NLRP2: variants seen among roughly 807,000 people sequenced by gnomAD.
NLRP2 encodes the protein NACHT, LRR and PYD domains-containing protein 2.
A neutral mutation model predicts 97.2 loss-of-function variants in NLRP2; 107 were observed. The ratio of observed to expected loss-of-function variants is 1.10; its 90% CI spans 0.94 to 1.29. The LOEUF (loss-of-function observed/expected upper bound fraction) is 1.29. Among genes scored for constraint, NLRP2 ranks in the 50% most tolerant of loss-of-function variants. The pLI, the probability that NLRP2 is intolerant of heterozygous loss-of-function variation, is 0.00. For missense variants in NLRP2, 1,495 were observed against 1,330.3 expected (o/e 1.12, Z -1.93); for synonymous variants, 663 against 551.5 (o/e 1.20, Z -2.83).
At chr19:54,997,193 C>A in intron 11 of NLRP2, 124 bp from the exon 12 acceptor site, 1 of 991,156 alleles carries the variant, frequency 1.0e-6, no homozygotes, top group Non-Finnish European at 1.6e-6. Flanking sequence ...GCGTGAACCA[C>A]CGTGCCCGGC....
intron 10 of NLRP2, among the ~76,000 whole-genome samples, chr19:54,992,549 GGGT>G (rs1423066189): frequency 2.6e-3 from 212 of 80,524 alleles, no homozygotes; most frequent in Admixed American, 0.017. Context: ...GGGGGGGGGG[GGGT>G]TTTCTTTTTT....
intron 11 of NLRP2, among the ~76,000 whole-genome samples, chr19:54,995,646 C>T (rs898560657): frequency 2.0e-5 from 3 of 152,014 alleles, no homozygotes; most frequent in Non-Finnish European, 4.4e-5. Context: ...GCTCTATCAG[C>T]AGGTGAGTGG....
In NLRP2 at chr19:54,995,187, C is replaced by CTTTT. The variant is rs34168825; in HGVS notation, c.2879+767_2879+770dup. Among the ~76,000 whole-genome samples the CTTTT allele has an allele frequency of 3.6e-4, 31 of 87,220 alleles. 1 individual carries two copies. The highest frequency in any genetic ancestry group is 7.6e-4 in the African/African-American group (17 of 22,468). The allele number at this position is 87,220 out of a possible 152,430, so 57.2% of individuals were successfully genotyped here. ...TAGCCGAGCATAGTAGTGGGTGCCT[C>CTTTT]TTTTTTTTTTTTTTTTTTTTTTGAG... On this transcript the variant is annotated intron_variant, in intron 11 of 12. Coordinates refer to ENST00000448584, the MANE Select transcript of NLRP2 (RefSeq NM_017852.5).
chr19:54,975,556 A>G (rs2071174473), intron 3 of NLRP2, among the ~76,000 whole-genome samples: 1 of 144,212 alleles, frequency 6.9e-6, no homozygotes. Flanking sequence ...GGTTCATGCC[A>G]TTCTCCTGCC....
At chr19:54,966,491 G>C (rs1293533361) in intron 1 of NLRP2, 24 bp downstream of exon 1, 1 of 152,116 alleles carries the variant, frequency 6.6e-6, no homozygotes, top group Admixed American at 6.6e-5. Context: ...CGGCAGCTCT[G>C]CAACTTCATT....
At position 54,977,737 on chromosome 19, in the gene NLRP2, G is replaced by GGAAATAT; in HGVS notation, c.326-15_326-14insGAAATAT. 2 of 1,613,432 alleles carry GGAAATAT rather than the reference G, an allele frequency of 1.2e-6. No homozygotes were observed. Among genetic ancestry groups the GGAAATAT allele is most frequent in the Non-Finnish European group, 1.7e-6 (2 of 1,179,874 alleles). On this transcript the variant is annotated splice_polypyrimidine_tract_variant and intron_variant, in intron 3 of 12. Coordinates refer to ENST00000448584, the MANE Select transcript of NLRP2 (RefSeq NM_017852.5). ...AGCACAGCAACAGGCCTGTAATGCC[G>GGAAATAT]CCCTTTTTCTCCAGGGATAACACGG...
chr19:54,988,888 G>A (rs773360513), intron 8 of NLRP2, among the ~76,000 whole-genome samples: 3 of 152,062 alleles, frequency 2.0e-5, no homozygotes, highest in Non-Finnish European at 4.4e-5. Context: ...TAGGTTAGTG[G>A]GCTGGGTATG....
Position 54,970,240 on chromosome 19 carries a change from C to G in NLRP2, c.225C>G (p.Val75=), listed in dbSNP as rs1027874302. The stretch of plus-strand genomic sequence containing the variant: ...GGGTGGAGATGGCGAGCCTCCAGGT[C>G]TTTGAAAAGATGCACCGAATGGATC... ...SYWVEMASLQ[V]FEKMHRMDLS... The change falls in exon 2 of 13, where the codon GTC becomes GTG. Residue 75 remains valine (V), a synonymous_variant. Coordinates refer to ENST00000448584, the MANE Select transcript of NLRP2 (RefSeq NM_017852.5). The G allele has an allele frequency of 1.2e-6, 2 of 1,614,056 alleles. No individual in the cohort carries two copies. The highest frequency in any genetic ancestry group is 8.5e-7 in the Non-Finnish European group (1 of 1,180,048).
intron 4 of NLRP2, among the ~76,000 whole-genome samples, chr19:54,978,484 C>G (rs2071384599): frequency 6.6e-6 from 1 of 152,030 alleles, no homozygotes; most frequent in South Asian, 2.1e-4. Flanking sequence ...GAGATCTGCT[C>G]CACCCACCCC....
At position 54,990,071 on chromosome 19, in the gene NLRP2, G is replaced by T. The variant is rs779693721; in HGVS notation, c.2416G>T (p.Ala806Ser). The T allele has an allele frequency of 6.2e-7, 1 of 1,614,044 alleles. No homozygotes were observed. Among genetic ancestry groups the T allele is most frequent in the African/African-American group, 1.3e-5 (1 of 74,988 alleles). Residue 806 changes from alanine to serine, a missense_variant, in exon 9 of 13, where the codon GCC becomes TCC. Ala to Ser is a moderately conservative substitution (Grantham distance 99). Coordinates refer to ENST00000448584, the MANE Select transcript of NLRP2 (RefSeq NM_017852.5). The part of the protein sequence containing the change: ...TTQQWADLSL[A>S]LEVNQSLTCV... Reference sequence around the variant, plus strand: ...TCAGCAGTGGGCTGATCTCTCCTTGGCCCTTGAAGTCAACCAGTCCCTGAC... The same window carrying T: ...TCAGCAGTGGGCTGATCTCTCCTTGTCCCTTGAAGTCAACCAGTCCCTGAC...
At chr19:54,975,106 GTTTTTTTTTTTTTTT>G (rs558518586) in intron 3 of NLRP2, among the ~76,000 whole-genome samples, 1,151 of 58,680 alleles carry the variant, frequency 0.02, 18 homozygotes, top group Non-Finnish European at 0.027. Flanking sequence ...ACCCGGTTTT[GTTTTTTTTTTTTTTT>G]TTTTTTTTTT....
rs552832219 is a variant in NLRP2, at chr19:54,985,140, T to C, written c.2124T>C (p.Asp708=). The stretch of plus-strand genomic sequence containing the variant: ...ATCTGATGGGTCTAGCAATCAATGA[T>C]AGCTTTCTCAGTGCCTCCCTAGTAA... ...NKDLMGLAIN[D]SFLSASLVRI... Residue 708 remains aspartate, a synonymous_variant, in exon 7 of 13, where the codon GAT becomes GAC. Coordinates refer to ENST00000448584, the MANE Select transcript of NLRP2 (RefSeq NM_017852.5). 6.8e-6 allele frequency: 11 copies of C among 1,614,146 alleles called. No homozygotes were observed. The highest frequency in any genetic ancestry group is 9.3e-6 in the Non-Finnish European group (11 of 1,180,014).
At chr19:54,967,915 C>CTTTT (rs2070573078) in intron 1 of NLRP2, among the ~76,000 whole-genome samples, 1 of 121,496 alleles carries the variant, frequency 8.2e-6, no homozygotes, top group African/African-American at 3.1e-5. Flanking sequence ...GTTGCTACTG[C>CTTTT]TATTTTTTTT....
intron 6 of NLRP2, among the ~76,000 whole-genome samples, chr19:54,984,714 C>A (rs898400069): frequency 7.9e-5 from 12 of 151,782 alleles, no homozygotes; most frequent in African/African-American, 2.9e-4. Flanking sequence ...AACTCCCGAC[C>A]TCAGGTGATC....
chr19:54,979,450 C>G (rs565837418), intron 4 of NLRP2, among the ~76,000 whole-genome samples: 1 of 152,192 alleles, frequency 6.6e-6, no homozygotes, highest in South Asian at 2.1e-4. Flanking sequence ...TCAAGTGATT[C>G]TGCCTCAGCC....
intron 6 of NLRP2, among the ~76,000 whole-genome samples, chr19:54,984,329 G>GTGT: frequency 1.3e-5 from 1 of 79,670 alleles, no homozygotes; most frequent in Non-Finnish European, 2.5e-5. Flanking sequence ...TTTTTTTTGT[G>GTGT]TTTTTTTTTT....
intron 3 of NLRP2, among the ~76,000 whole-genome samples, chr19:54,976,172 A>C (rs1190407337): frequency 6.6e-6 from 1 of 151,820 alleles, no homozygotes; most frequent in African/African-American, 2.4e-5. Context: ...CTCTTGCCTC[A>C]GCCTCCCGAG....
At chr19:54,977,917 C>A in intron 4 of NLRP2, 94 bp downstream of exon 4, 1 of 1,115,060 alleles carries the variant, frequency 9.0e-7, no homozygotes, top group Non-Finnish European at 1.3e-6. Flanking sequence ...CATCTCTCTC[C>A]AATCTTTTCC....
At chr19:54,998,040 T>C (rs1177928071) in intron 12 of NLRP2, among the ~76,000 whole-genome samples, 4 of 150,224 alleles carry the variant, frequency 2.7e-5, no homozygotes, top group Non-Finnish European at 5.9e-5. Flanking sequence ...TTTTTTTTTT[T>C]TTCTGAGATG....
Sources: gnomAD v4.1 joint callset for allele counts (sites outside exome capture counted in the v4.1 genomes callset) on GRCh38, gnomAD v4.1.1 for gene constraint, MANE v1.5 for transcripts, NCBI Gene and HGNC (gene_info 2026-07-23, HGNC 2026-07-21) for gene names.